AKAP1: variants seen among roughly 807,000 people sequenced by gnomAD.
AKAP1 encodes A-kinase anchoring protein 1.
Under a neutral mutation model 79.8 loss-of-function variants are expected in AKAP1, and 32 were observed. The ratio of observed to expected loss-of-function variants is 0.40; its 90% CI spans 0.30 to 0.54. AKAP1 has a LOEUF of 0.54. AKAP1 is among the 20% of genes least tolerant of loss of function. The pLI is 0.47. For missense variants in AKAP1, 961 were observed against 1,138.9 expected (o/e 0.84, Z 2.25); for synonymous variants, 416 against 466.7 (o/e 0.89, Z 1.40).
At chr17:57,110,422 G>A (rs913666640) in intron 3 of AKAP1, among the ~76,000 whole-genome samples, 1 of 152,130 alleles carries the variant, frequency 6.6e-6, no homozygotes, top group Non-Finnish European at 1.5e-5. Context: ...TGTCTCCCTT[G>A]GGGGTGGTTC....
In AKAP1 at chr17:57,116,878, G is replaced by A. The variant is rs746884520; in HGVS notation, c.2451G>A (p.Leu817=). ...LRQIRSDFVT[L]PFQGAEVLLD... ...TTCCCAGGTCTGACTTTGTCACCCTGCCGTTTCAGGGAGCAGAAGTCCTTC... is the reference window on the plus strand; with the variant it reads ...TTCCCAGGTCTGACTTTGTCACCCTACCGTTTCAGGGAGCAGAAGTCCTTC... The change falls in exon 8 of 11, where the codon CTG becomes CTA. Residue 817 remains leucine (L), a synonymous_variant. Transcript: ENST00000337714. The A allele has an allele frequency of 1.9e-6, 3 of 1,614,210 alleles. No individual in the cohort carries two copies. In the South Asian group the frequency reaches 3.3e-5, roughly 18 times the overall value.
chr17:57,107,108 G>A lies in AKAP1; in HGVS notation c.1644G>A (p.Leu548=), dbSNP rs11658676. 9.7e-4 allele frequency: 1,573 copies of A among 1,614,212 alleles called. 3 individuals carry two copies. The highest frequency in any genetic ancestry group is 1.2e-3 in the Non-Finnish European group (1,386 of 1,180,030). Residue 548 remains leucine, a synonymous_variant, in exon 2 of 11, where the codon CTG becomes CTA. Transcript: ENST00000337714. The stretch of plus-strand genomic sequence containing the variant: ...CTGTGCCCTTCAGCAATGGGGTGCT[G>A]AAGGGGGAGTTGTCAGACTTGGGGG... The part of the protein sequence containing the change: ...ESTVPFSNGV[L]KGELSDLGAE...
At chr17:57,118,628 C>A (rs1189027837) in intron 9 of AKAP1, among the ~76,000 whole-genome samples, 174 bp downstream of exon 9, 1 of 152,024 alleles carries the variant, frequency 6.6e-6, no homozygotes, top group Non-Finnish European at 1.5e-5. Flanking sequence ...TAAAGAAATA[C>A]CTGGGACTGA....
In AKAP1 at chr17:57,085,327, C is replaced by G. The variant is rs956994645; in HGVS notation, c.-96C>G. 1.5e-4 allele frequency: 23 copies of G among 151,378 alleles called. No individual in the cohort carries two copies. Among genetic ancestry groups the G allele is most frequent in the African/African-American group, 5.1e-4 (21 of 41,320 alleles). 9.4% of individuals were successfully genotyped at this position (151,378 alleles called of 1,614,324 possible). ...AAGCGCGGCGCTGCGGGCCGGGCCG[C>G]GGGGCACAGCCGGGGGCCGGCGGCG... On this transcript the variant is annotated 5_prime_UTR_variant, in exon 1 of 11. Coordinates refer to ENST00000337714, the MANE Select transcript of AKAP1 (RefSeq NM_003488.4).
At chr17:57,093,107 A>G (rs1567896877) in intron 1 of AKAP1, 1 of 152,342 alleles carries the variant, frequency 6.6e-6, no homozygotes, top group Non-Finnish European at 1.5e-5. Flanking sequence ...CACAGCACAC[A>G]GAAAAGGACT....
At chr17:57,110,186 C>T in intron 3 of AKAP1, 28 bp downstream of exon 3, 1 of 1,612,050 alleles carries the variant, frequency 6.2e-7, no homozygotes, top group East Asian at 2.2e-5. Context: ...CAGGCTGGTT[C>T]TGTGGTAAGC....
intron 1 of AKAP1, among the ~76,000 whole-genome samples, chr17:57,090,428 A>G (rs527261177): frequency 3.8e-4 from 58 of 152,252 alleles, no homozygotes; most frequent in African/African-American, 1.3e-3. Flanking sequence ...CCCTGGACAC[A>G]GCAAGGGCTG....
chr17:57,102,496 C>T (rs1255043801), intron 1 of AKAP1, among the ~76,000 whole-genome samples: 17 of 147,988 alleles, frequency 1.1e-4, no homozygotes, highest in East Asian at 7.8e-4. Context: ...TTTTGAGTCT[C>T]GCTCTGTCAC....
intron 2 of AKAP1, among the ~76,000 whole-genome samples, chr17:57,108,472 A>C (rs1164377392): frequency 1.3e-5 from 2 of 152,176 alleles, no homozygotes; most frequent in Non-Finnish European, 2.9e-5. Context: ...ACTGCCCCTC[A>C]GCTGAATTAA....
At chr17:57,096,667 A>C (rs1444754096) in intron 1 of AKAP1, 1 of 152,162 alleles carries the variant, frequency 6.6e-6, no homozygotes, top group Non-Finnish European at 1.5e-5. Context: ...TGGCTCCAGC[A>C]CTCTGATTCC....
chr17:57,110,819 C>T (rs1416078001), intron 3 of AKAP1, among the ~76,000 whole-genome samples: 1 of 152,058 alleles, frequency 6.6e-6, no homozygotes, highest in Admixed American at 6.6e-5. Context: ...TTCATCAGTC[C>T]CCCATTCCTG....
chr17:57,089,823 A>G (rs927323205), intron 1 of AKAP1, among the ~76,000 whole-genome samples: 3 of 152,258 alleles, frequency 2.0e-5, no homozygotes, highest in African/African-American at 7.2e-5. Context: ...GAGGACCTTC[A>G]GAAAGGACCT....
intron 1 of AKAP1, among the ~76,000 whole-genome samples, chr17:57,091,979 C>T (rs1412241018): frequency 6.6e-6 from 1 of 152,114 alleles, no homozygotes; most frequent in Non-Finnish European, 1.5e-5. Context: ...AGGTGTGAGC[C>T]ACCGTGCCTG....
rs1213003768 is a variant in AKAP1 at position 57,120,699 on chromosome 17, G to A, written c.*375G>A. On this transcript the variant is annotated 3_prime_UTR_variant, in exon 11 of 11. Coordinates refer to ENST00000337714, the MANE Select transcript of AKAP1 (RefSeq NM_003488.4). ...CAAACAAACTGGCAGACAGGCCAGG[G>A]ATGTATGTTGCTTGCTTGAGAGGGT... 5.6e-6 allele frequency: 1 copy of A among 177,312 alleles called. No individual in the cohort carries two copies. The highest frequency in any genetic ancestry group is 2.4e-5 in the African/African-American group (1 of 42,212). 11.0% of individuals were successfully genotyped at this position (177,312 alleles called of 1,614,324 possible). A position where few individuals can be genotyped will look rare whatever the true frequency, so the allele number is the denominator to read the frequency against.
At chr17:57,119,814 C>T (rs73317581) in intron 10 of AKAP1, among the ~76,000 whole-genome samples, 318 of 99,376 alleles carry the variant, frequency 3.2e-3, no homozygotes, top group Middle Eastern at 0.013. Context: ...TAAGCCATGT[C>T]CCCCACCCTG....
At chr17:57,104,160 G>C (rs1170083326) in intron 1 of AKAP1, among the ~76,000 whole-genome samples, 2 of 152,058 alleles carry the variant, frequency 1.3e-5, no homozygotes, top group Non-Finnish European at 2.9e-5. Context: ...GGGTTTCACC[G>C]TGTTGCCCAG....
Position 57,110,070 on chromosome 17 carries a change from T to A in AKAP1, c.1760T>A (p.Leu587His), listed in dbSNP as rs1430449504. 1.9e-6 allele frequency: 3 copies of A among 1,613,988 alleles called. No homozygotes were observed. Among genetic ancestry groups the A allele is most frequent in the Non-Finnish European group, 2.5e-6 (3 of 1,180,020 alleles). The change falls in exon 3 of 11, where the codon CTC becomes CAC. Residue 587 changes from leucine to histidine, a missense_variant. Physicochemically the swap from Leu to His is moderately conservative, Grantham distance 99 (BLOSUM62 -3). This residue lies in a region of AKAP1 where 629 missense variants were observed against 781.1 expected (regional missense o/e 0.81). Transcript: ENST00000337714. Reference protein sequence around the residue: ...SMDSVDSCCSLKKTESFQNAQ... With the variant: ...SMDSVDSCCSHKKTESFQNAQ... ...GATTCCGTGGATAGCTGTTGCAGTCTCAAGAAGACTGAGAGCTTCCAAAAT... is the reference window on the plus strand; with the variant it reads ...GATTCCGTGGATAGCTGTTGCAGTCACAAGAAGACTGAGAGCTTCCAAAAT...
In AKAP1 at chr17:57,110,150, G is replaced by A; in HGVS notation, c.1840G>A (p.Val614Met). The change falls in exon 3 of 11, where the codon GTG (valine) becomes ATG (methionine). Residue 614 changes from valine (V) to methionine (M), a missense_variant. By Grantham distance (21) the Val-to-Met change is conservative (BLOSUM62 1). Transcript: ENST00000337714. ...KVDLIIWEIE[V>M]PKHLVGRLIG... is the part of the protein sequence containing the mutation. ...CGACCTCATCATCTGGGAGATCGAG[G>A]TGCCAAAGGTAGGGGCGGAGTCCCC... is the stretch of plus-strand genomic sequence containing the variant. The A allele has an allele frequency of 2.5e-6, 4 of 1,613,934 alleles. No homozygotes were observed. The South Asian group carries it at 4.4e-5, about 18-fold the overall frequency.
At chr17:57,097,579 G>A (rs553372436) in intron 1 of AKAP1, among the ~76,000 whole-genome samples, 1 of 152,350 alleles carries the variant, frequency 6.6e-6, no homozygotes, top group East Asian at 1.9e-4. Flanking sequence ...TCTGAATGCA[G>A]TGGCTGAAGT....
Sources: allele counts gnomAD v4.1 joint callset (sites outside exome capture counted in the v4.1 genomes callset), GRCh38; gene constraint gnomAD v4.1.1; regional missense constraint gnomAD v4.1.1; transcripts MANE v1.5; gene names NCBI Gene and HGNC (gene_info 2026-07-23, HGNC 2026-07-21).